The following SLC6A19 variants were observed in gnomAD, a reference collection of about 807,000 sequenced individuals.
SLC6A19 encodes solute carrier family 6 member 19.
SLC6A19 carries 67 observed loss-of-function variants against 68.3 expected under a neutral mutation model. The observed-to-expected ratio is 0.98, with a 90% confidence interval of 0.81 to 1.20. The LOEUF is 1.20. SLC6A19 is among the 50% of genes most tolerant of loss of function. SLC6A19 has a pLI of 0.00. For missense variants in SLC6A19, 813 were observed against 851.6 expected, an observed-to-expected ratio of 0.95 and a Z score of 0.56; for synonymous variants, 392 against 374.9, an observed-to-expected ratio of 1.05 and a Z score of -0.53.
At chr5:1,219,417 G>A in intron 9 of SLC6A19, 88 bp from the exon 10 acceptor site, 2 of 1,563,522 alleles carry the variant, frequency 1.3e-6, no homozygotes, top group Admixed American at 1.7e-5. Context: ...CTGGCCATAT[G>A]TGCAGCCCCC....
chr5:1,221,434 C>A (rs991604842), intron 11 of SLC6A19, 121 bp downstream of exon 11: 2 of 1,272,772 alleles, frequency 1.6e-6, no homozygotes, highest in Non-Finnish European at 1.1e-6. Context: ...TGGGCACACA[C>A]ACTCACACTC....
chr5:1,219,543 T>A lies in SLC6A19; in HGVS notation c.1417T>A (p.Phe473Ile). The change falls in exon 10 of 12, where the codon TTC becomes ATC. Residue 473 changes from phenylalanine (F) to isoleucine (I), a missense_variant. Coordinates refer to ENST00000304460, the MANE Select transcript of SLC6A19 (RefSeq NM_001003841.3). ...CLGTFLIGFIFTLNSGQYWLS... is the reference protein window; with the variant it reads ...CLGTFLIGFIITLNSGQYWLS... ...GGGGACATTCCTCATTGGCTTCATCTTCACGCTGAACTCCGGCCAGTACTG... is the reference window on the plus strand; with the variant it reads ...GGGGACATTCCTCATTGGCTTCATCATCACGCTGAACTCCGGCCAGTACTG... 6.2e-7 allele frequency: 1 copy of A among 1,612,502 alleles called. No homozygotes were observed. Among genetic ancestry groups the A allele is most frequent in the African/African-American group, 1.3e-5 (1 of 75,070 alleles).
chr5:1,211,668 G>A (rs1195566508), intron 3 of SLC6A19, among the ~76,000 whole-genome samples: 1 of 152,040 alleles, frequency 6.6e-6, no homozygotes, highest in African/African-American at 2.4e-5. Flanking sequence ...GTGTGTGCAC[G>A]TGAGCATGTG....
In SLC6A19 at chr5:1,201,700, C is replaced by G. The variant is rs754779609; in HGVS notation, c.50C>G (p.Ser17Cys). The G allele has an allele frequency of 4.3e-6, 7 of 1,611,780 alleles. No individual in the cohort carries two copies. The highest frequency in any genetic ancestry group is 5.9e-6 in the Non-Finnish European group (7 of 1,179,870). The part of the protein sequence containing the change: ...PNPGLDARIP[S>C]LAELETIEQE... The stretch of plus-strand genomic sequence containing the variant: ...CCCGGCCTAGACGCCCGGATCCCGT[C>G]CCTGGCTGAGCTGGAGACCATCGAG... Residue 17 changes from serine to cysteine, a missense_variant, in exon 1 of 12, where the codon TCC (serine) becomes TGC (cysteine). By Grantham distance (112) the Ser-to-Cys change is moderately radical. Coordinates refer to ENST00000304460, the MANE Select transcript of SLC6A19 (RefSeq NM_001003841.3).
chr5:1,218,716 G>C (rs1234484590), intron 8 of SLC6A19, among the ~76,000 whole-genome samples, 187 bp from the exon 9 acceptor site: 1 of 152,194 alleles, frequency 6.6e-6, no homozygotes, highest in African/African-American at 2.4e-5. Flanking sequence ...CCACGTGCTG[G>C]TCCTGATGCA....
In SLC6A19 at chr5:1,212,529, G is replaced by C; in HGVS notation, c.663+45G>C. On this transcript the variant is annotated intron_variant, in intron 4 of 11. Coordinates refer to ENST00000304460, the MANE Select transcript of SLC6A19 (RefSeq NM_001003841.3). The surrounding 1 kb of genome is among the most constrained non-coding windows in gnomAD (Gnocchi z 5.1). ...AGGCTGCAGGTGCTCCAGAGGGCGG[G>C]TGCGGGCAGCCCTGCCTCCGGCCGG... 2 of 1,599,200 alleles carry C rather than the reference G, an allele frequency of 1.3e-6. No homozygotes were observed. Among genetic ancestry groups the C allele is most frequent in the Non-Finnish European group, 1.7e-6 (2 of 1,178,458 alleles).
chr5:1,216,238 C>T (rs554315104), intron 6 of SLC6A19, among the ~76,000 whole-genome samples: 26 of 152,278 alleles, frequency 1.7e-4, no homozygotes, highest in African/African-American at 4.1e-4. Flanking sequence ...CGGAGGTTAC[C>T]GCAGGCACAA....
At chr5:1,204,337 CCA>C (rs1273534646) in intron 1 of SLC6A19, among the ~76,000 whole-genome samples, 1 of 152,224 alleles carries the variant, frequency 6.6e-6, no homozygotes, top group African/African-American at 2.4e-5. Context: ...CTCAGCCGCC[CCA>C]CTCACCTGAG....
rs894693588 is a variant in SLC6A19 at position 1,216,670 on chromosome 5, G to A, written c.1000G>A (p.Asp334Asn). 18 of 1,613,608 alleles carry A rather than the reference G, an allele frequency of 1.1e-5. No homozygotes were observed. The highest frequency in any genetic ancestry group is 1.6e-4 in the Middle Eastern group (1 of 6,084). The change falls in exon 7 of 12, where the codon GAC becomes AAC. Residue 334 changes from aspartate (D) to asparagine (N), a missense_variant. By Grantham distance (23) the Asp-to-Asn change is conservative. Transcript: ENST00000304460. ...TGGGTTCCGCGCCACACAGCGCTAC[G>A]ACGACTGCTTCAGCACGTGAGTGGC... is the stretch of plus-strand genomic sequence containing the variant. ...VIGFRATQRY[D>N]DCFSTNILTL... is the part of the protein sequence containing the mutation.
chr5:1,207,126 G>A (rs577185694), intron 1 of SLC6A19, among the ~76,000 whole-genome samples: 8 of 152,348 alleles, frequency 5.3e-5, no homozygotes, highest in East Asian at 3.9e-4. Flanking sequence ...CGGGCGCCAC[G>A]GCCTGCACTC....
rs1025210389 is a variant in SLC6A19, at chr5:1,212,083, C to T, written c.482-220C>T. Among the ~76,000 whole-genome samples the T allele has an allele frequency of 2.0e-5, 3 of 148,198 alleles. No homozygotes were observed. Among genetic ancestry groups the T allele is most frequent in the Non-Finnish European group, 3.0e-5 (2 of 67,064 alleles). On this transcript the variant is annotated intron_variant, in intron 3 of 11. Transcript: ENST00000304460. This position sits in a 1 kb window ranked among gnomAD's most constrained non-coding sequence, Gnocchi z 5.1. ...TGTGTGGGGTGTGCAGGTGCATGGA[C>T]CAGATGTGCACACGAGGGTGTAGCT...
intron 3 of SLC6A19, among the ~76,000 whole-genome samples, chr5:1,211,751 TG>T (rs2051608215): frequency 6.6e-6 from 1 of 150,844 alleles, no homozygotes; most frequent in African/African-American, 2.4e-5. Flanking sequence ...CAGTCACGCT[TG>T]TGTGCTGTGT....
intron 8 of SLC6A19, among the ~76,000 whole-genome samples, chr5:1,218,119 T>A (rs1579516883): frequency 1.3e-5 from 2 of 149,260 alleles, no homozygotes; most frequent in East Asian, 4.1e-4. Flanking sequence ...CTGCTTCTAA[T>A]GATTTCCTTT....
rs529782980 is a variant in SLC6A19, at chr5:1,216,337, G to A, written c.888-221G>A. 2.6e-5 allele frequency among the ~76,000 whole-genome samples: 4 copies of A among 152,290 alleles called. No individual in the cohort carries two copies. In the East Asian group the frequency reaches 7.7e-4, roughly 29 times the overall value. On this transcript the variant is annotated intron_variant, in intron 6 of 11. Coordinates refer to ENST00000304460, the MANE Select transcript of SLC6A19 (RefSeq NM_001003841.3). ...AGCCTGGGGCAGCCCCTAAGCTGAG[G>A]CCAGGTGAGCAGGGGACCAGGTGCT...
At chr5:1,220,279 G>T (rs1488332996) in intron 10 of SLC6A19, among the ~76,000 whole-genome samples, 1 of 151,972 alleles carries the variant, frequency 6.6e-6, no homozygotes, top group Non-Finnish European at 1.5e-5. Flanking sequence ...GCATGGTGGT[G>T]CATGCCTGTA....
rs1037160135 is a variant in SLC6A19, at chr5:1,222,637, G to A, written c.*733G>A. On this transcript the variant is annotated 3_prime_UTR_variant, in exon 12 of 12. Transcript: ENST00000304460. ...CATATTCAGGCAGGTGTGCATTTGT[G>A]CATGCCAGTGTGTATGTATGTGCGC... The A allele has an allele frequency of 1.2e-5, 3 of 258,732 alleles. No homozygotes were observed. The highest frequency in any genetic ancestry group is 5.3e-5 in the Admixed American group (1 of 18,986). The allele number at this position is 258,732 out of a possible 1,614,324, so 16.0% of individuals were successfully genotyped here.
chr5:1,213,900 TC>T, intron 5 of SLC6A19, 52 bp from the exon 6 acceptor site: 1 of 1,607,594 alleles, frequency 6.2e-7, no homozygotes. Flanking sequence ...CCCTCCCAGG[TC>T]CCCATGGCCC....
At chr5:1,205,699 G>A (rs1745833700) in intron 1 of SLC6A19, among the ~76,000 whole-genome samples, 1 of 152,228 alleles carries the variant, frequency 6.6e-6, no homozygotes, top group African/African-American at 2.4e-5. Context: ...GGAGGACACT[G>A]GGGATCATGC....
intron 8 of SLC6A19, 125 bp downstream of exon 8, chr5:1,217,070 C>T (rs774202731): frequency 6.6e-5 from 95 of 1,446,172 alleles, no homozygotes; most frequent in Non-Finnish European, 8.3e-5. Flanking sequence ...GGAGGCCCAG[C>T]TCCCACTGTC....
Sources: gnomAD v4.1 joint callset for allele counts (sites outside exome capture counted in the v4.1 genomes callset) on GRCh38, gnomAD v4.1.1 for gene constraint, Gnocchi (gnomAD v3.1) non-coding constraint, MANE v1.5 for transcripts, NCBI Gene and HGNC (gene_info 2026-07-23, HGNC 2026-07-21) for gene names.